TMEM132D: variants seen among roughly 807,000 people sequenced by gnomAD.
TMEM132D encodes transmembrane protein 132D, also known as mature OL transmembrane protein.
In TMEM132D, 21 loss-of-function variants were observed where a neutral mutation model predicts 62.3. The ratio of observed to expected loss-of-function variants is 0.34; its 90% CI spans 0.24 to 0.49. The LOEUF is 0.49. TMEM132D is among the 20% of genes least tolerant of loss of function. TMEM132D has a pLI of 0.99. For synonymous variants in TMEM132D, 621 were observed against 575.6 expected (o/e 1.08, Z -1.13); for missense variants, 1,346 against 1,402.8 (o/e 0.96, Z 0.65).
At chr12:129,690,834 A>G (rs1056662745) in intron 2 of TMEM132D, among the ~76,000 whole-genome samples, 1 of 152,180 alleles carries the variant, frequency 6.6e-6, no homozygotes, top group African/African-American at 2.4e-5. Context: ...ACCCACTATC[A>G]ATCAACTTGA....
intron 2 of TMEM132D, among the ~76,000 whole-genome samples, chr12:129,612,514 G>C (rs1878803402): frequency 6.6e-6 from 1 of 152,144 alleles, no homozygotes; most frequent in African/African-American, 2.4e-5. Context: ...TTCCTTAAAA[G>C]TGTAGTAACG....
chr12:129,117,284 G>C (rs935279028), intron 5 of TMEM132D, among the ~76,000 whole-genome samples: 1 of 151,906 alleles, frequency 6.6e-6, no homozygotes, highest in Non-Finnish European at 1.5e-5. Context: ...GGAGGGGGGA[G>C]GAATGAATAG....
At chr12:129,147,898 T>C (rs1409241084) in intron 5 of TMEM132D, among the ~76,000 whole-genome samples, 1 of 152,220 alleles carries the variant, frequency 6.6e-6, no homozygotes, top group African/African-American at 2.4e-5. Context: ...CTGACGAATC[T>C]GGCCTAAACC....
At chr12:129,257,636 G>T (rs1233265924) in intron 4 of TMEM132D, among the ~76,000 whole-genome samples, 1 of 152,174 alleles carries the variant, frequency 6.6e-6, no homozygotes, top group African/African-American at 2.4e-5. Flanking sequence ...GTCCTGGCCA[G>T]TCAGGGCTTT....
At chr12:129,450,853 T>C (rs1593014093) in intron 3 of TMEM132D, among the ~76,000 whole-genome samples, 1 of 145,816 alleles carries the variant, frequency 6.9e-6, no homozygotes, top group Non-Finnish European at 1.5e-5. Flanking sequence ...GCCTCTCGGG[T>C]TCAAGCAATT....
chr12:129,295,162 T>G (rs898405550), intron 4 of TMEM132D, among the ~76,000 whole-genome samples: 4 of 152,184 alleles, frequency 2.6e-5, no homozygotes, highest in African/African-American at 9.7e-5. Context: ...GCAACACTGA[T>G]TCTTTGTAGT....
chr12:129,780,032 T>C lies in TMEM132D; in HGVS notation c.80-79334A>G, dbSNP rs1032869315. 3.5e-5 allele frequency among the ~76,000 whole-genome samples: 5 copies of C among 142,326 alleles called. No individual in the cohort carries two copies. The South Asian group carries it at 1.0e-3, about 29-fold the overall frequency. The allele number at this position is 142,326 out of a possible 152,430, so 93.4% of individuals were successfully genotyped here. On this transcript the variant is annotated intron_variant, in intron 1 of 8. Transcript: ENST00000422113. Reference sequence around the variant, plus strand: ...GCCCCAGGTTTCACAGTTAGGAGTGTGAAGAGCCGACTCCACACCCTGAAG... The same window carrying C: ...GCCCCAGGTTTCACAGTTAGGAGTGCGAAGAGCCGACTCCACACCCTGAAG...
At chr12:129,766,396 C>G (rs1042341012) in intron 1 of TMEM132D, among the ~76,000 whole-genome samples, 2 of 152,062 alleles carry the variant, frequency 1.3e-5, no homozygotes, top group African/African-American at 4.8e-5. Flanking sequence ...ATACACATAC[C>G]ATAACATTTA....
At chr12:129,528,851 C>T (rs1271856327) in intron 3 of TMEM132D, among the ~76,000 whole-genome samples, 1 of 152,336 alleles carries the variant, frequency 6.6e-6, no homozygotes, top group Non-Finnish European at 1.5e-5. Flanking sequence ...ATAAGACTTC[C>T]GTTCTAGAGC....
chr12:129,817,457 C>T (rs1331942958), intron 1 of TMEM132D, among the ~76,000 whole-genome samples: 8 of 71,850 alleles, frequency 1.1e-4, no homozygotes, highest in African/African-American at 2.7e-4. Flanking sequence ...ACCAACCGCT[C>T]GCTCTCTCTC....
intron 2 of TMEM132D, among the ~76,000 whole-genome samples, chr12:129,616,986 T>C (rs1878935830): frequency 6.6e-6 from 1 of 152,200 alleles, no homozygotes; most frequent in African/African-American, 2.4e-5. Context: ...TTGTTTTTTG[T>C]TTTTTGCATG....
intron 3 of TMEM132D, among the ~76,000 whole-genome samples, chr12:129,482,307 C>T (rs1462903926): frequency 6.6e-6 from 1 of 152,240 alleles, no homozygotes; most frequent in African/African-American, 2.4e-5. Context: ...GTGGTACATA[C>T]ATGCTATAGA....
intron 3 of TMEM132D, among the ~76,000 whole-genome samples, chr12:129,363,335 C>A (rs74461706): frequency 1.3e-5 from 2 of 152,214 alleles, no homozygotes. Flanking sequence ...CAGCTCAATA[C>A]TGAAATAAGT....
chr12:129,420,288 A>C (rs2135710447), intron 3 of TMEM132D, among the ~76,000 whole-genome samples: 1 of 144,254 alleles, frequency 6.9e-6, no homozygotes, highest in East Asian at 2.1e-4. Flanking sequence ...GTTAATTTCA[A>C]ATTATTGCAC....
chr12:129,180,701 C>A (rs77186700), intron 5 of TMEM132D, among the ~76,000 whole-genome samples: 21,156 of 152,090 alleles, frequency 0.14, 1,595 homozygotes, highest in Middle Eastern at 0.23. Context: ...CGAAGGAGGC[C>A]GTTTCCAGAT....
chr12:129,817,733 T>G (rs895025989), intron 1 of TMEM132D, among the ~76,000 whole-genome samples: 2 of 136,248 alleles, frequency 1.5e-5, no homozygotes, highest in Admixed American at 1.5e-4. Context: ...GTGTGTGGTG[T>G]AAGGTGTGTG....
chr12:129,084,074 C>T (rs1272787621), intron 6 of TMEM132D, among the ~76,000 whole-genome samples: 1 of 152,156 alleles, frequency 6.6e-6, no homozygotes, highest in African/African-American at 2.4e-5. Flanking sequence ...TCAATTTTCC[C>T]TTCTCCTAGA....
At chr12:129,634,329 C>T (rs1298066139) in intron 2 of TMEM132D, among the ~76,000 whole-genome samples, 2 of 151,318 alleles carry the variant, frequency 1.3e-5, no homozygotes, top group Non-Finnish European at 2.9e-5. Flanking sequence ...AAAAAATTAG[C>T]GGGGTATGGT....
At chr12:129,414,611 A>G (rs1415268500) in intron 3 of TMEM132D, among the ~76,000 whole-genome samples, 1 of 152,232 alleles carries the variant, frequency 6.6e-6, no homozygotes, top group African/African-American at 2.4e-5. Context: ...AGGATAACTG[A>G]CATATTCATC....
Sources: gnomAD v4.1 joint callset for allele counts (sites outside exome capture counted in the v4.1 genomes callset) on GRCh38, gnomAD v4.1.1 for gene constraint, MANE v1.5 for transcripts, NCBI Gene and HGNC (gene_info 2026-07-23, HGNC 2026-07-21) for gene names.